THADA: variants seen among roughly 807,000 people sequenced by gnomAD.
THADA encodes THADA armadillo repeat containing, also known as tRNA (32-2'-O)-methyltransferase regulator THADA.
Under a neutral mutation model 219.8 loss-of-function variants are expected in THADA, and 213 were observed. The ratio of observed to expected loss-of-function variants is 0.97; its 90% CI spans 0.87 to 1.09. The LOEUF is 1.09. Ranked by LOEUF, THADA falls within the 50% of genes least tolerant of loss-of-function variation. The pLI, the probability that THADA is intolerant of heterozygous loss-of-function variation, is 0.00. For missense variants in THADA, 2,956 were observed against 2,311.3 expected (o/e 1.28, Z -5.72); for synonymous variants, 1,018 against 828.9 (o/e 1.23, Z -3.92).
At chr2:43,304,673 A>G (rs79981603) in intron 31 of THADA, among the ~76,000 whole-genome samples, 3 of 140,382 alleles carry the variant, frequency 2.1e-5, no homozygotes, top group African/African-American at 7.9e-5. Context: ...AGCAGACTTC[A>G]TTTTTTTTTT....
intron 20 of THADA, among the ~76,000 whole-genome samples, chr2:43,547,240 C>A (rs569388036): frequency 6.6e-6 from 1 of 152,124 alleles, no homozygotes; most frequent in South Asian, 2.1e-4. Flanking sequence ...CCGAGAGATC[C>A]GCTGTTAGTC....
At chr2:43,518,929 C>A (rs1227643743) in intron 22 of THADA, among the ~76,000 whole-genome samples, 1 of 152,098 alleles carries the variant, frequency 6.6e-6, no homozygotes, top group Non-Finnish European at 1.5e-5. Context: ...AATCTCCTGA[C>A]CTGTATTTCC....
At chr2:43,542,446 T>C (rs1374118169) in intron 20 of THADA, among the ~76,000 whole-genome samples, 1 of 152,120 alleles carries the variant, frequency 6.6e-6, no homozygotes, top group Admixed American at 6.5e-5. Flanking sequence ...TGGAGATAAT[T>C]TTTTGCAAGA....
At chr2:43,339,466 G>C (rs889810192) in intron 30 of THADA, among the ~76,000 whole-genome samples, 1 of 152,144 alleles carries the variant, frequency 6.6e-6, no homozygotes, top group African/African-American at 2.4e-5. Flanking sequence ...TTTTAGTAGA[G>C]ATTGGGTTTC....
intron 21 of THADA, among the ~76,000 whole-genome samples, chr2:43,531,163 C>A (rs769563997): frequency 4.6e-5 from 7 of 152,138 alleles, no homozygotes; most frequent in African/African-American, 7.2e-5. Flanking sequence ...TGTCTGGTGT[C>A]CATTAGAAGC....
intron 34 of THADA, among the ~76,000 whole-genome samples, chr2:43,288,235 A>G (rs1015821338): frequency 6.6e-6 from 1 of 152,242 alleles, no homozygotes; most frequent in African/African-American, 2.4e-5. Context: ...CCAGGCCAAC[A>G]TGGTGAAACC....
chr2:43,553,949 C>T (rs141637673), intron 17 of THADA, among the ~76,000 whole-genome samples: 30 of 152,184 alleles, frequency 2.0e-4, no homozygotes, highest in Non-Finnish European at 3.5e-4. Flanking sequence ...ATTCTTTGTC[C>T]AATTGTAAAA....
intron 25 of THADA, among the ~76,000 whole-genome samples, chr2:43,490,543 A>G (rs557840359): frequency 1.4e-4 from 21 of 152,128 alleles, no homozygotes; most frequent in Non-Finnish European, 2.9e-4. Context: ...GATTTTGTCA[A>G]ATGCCTCTTT....
In THADA at chr2:43,284,929, T is replaced by C. The variant is rs541053502; in HGVS notation, c.5164+1979A>G. Among the ~76,000 whole-genome samples, 8 of 152,368 alleles carry C rather than the reference T, an allele frequency of 5.3e-5. No homozygotes were observed. In the South Asian group the frequency reaches 1.7e-3, roughly 32 times the overall value. ...TTTTAAAGCTTTAAGATTTAATGAC[T>C]GCCCTGCTGGGTTTTGAACTTGCAT... On this transcript the variant is annotated intron_variant, in intron 35 of 37. Coordinates refer to ENST00000405975, the MANE Select transcript of THADA (RefSeq NM_022065.5).
chr2:43,410,536 G>A (rs935578454), intron 28 of THADA, among the ~76,000 whole-genome samples: 1 of 152,112 alleles, frequency 6.6e-6, no homozygotes, highest in South Asian at 2.1e-4. Context: ...CCATACAATC[G>A]AATACCATTT....
intron 24 of THADA, among the ~76,000 whole-genome samples, chr2:43,504,938 G>A (rs1689473085): frequency 6.6e-6 from 1 of 152,178 alleles, no homozygotes; most frequent in Non-Finnish European, 1.5e-5. Context: ...AACTGAGGAA[G>A]TCCAGACTAT....
Position 43,574,522 on chromosome 2 carries a change from C to A in THADA, c.1543G>T (p.Glu515Ter). 6.2e-7 allele frequency: 1 copy of A among 1,614,012 alleles called. No individual in the cohort carries two copies. The highest frequency in any genetic ancestry group is 8.5e-7 in the Non-Finnish European group (1 of 1,179,902). The change falls in exon 11 of 38, where the codon GAG becomes TAG. Residue 515 changes from glutamate to a stop codon, truncating the protein, a stop_gained. Transcript: ENST00000405975. LOFTEE classifies it high-confidence loss of function. The stretch of plus-strand genomic sequence containing the variant: ...TGCCACTGGTCAATCCAAGAACTCT[C>A]AGCAGTCTGGGATTTCAAATGACTC... ...HKSHLKSQTA[E>*]SSWIDQWHET...
At chr2:43,352,129 G>C (rs1668343104) in intron 29 of THADA, among the ~76,000 whole-genome samples, 1 of 152,080 alleles carries the variant, frequency 6.6e-6, no homozygotes, top group Non-Finnish European at 1.5e-5. Flanking sequence ...AAATAAATCT[G>C]TCTAAATTCT....
intron 28 of THADA, among the ~76,000 whole-genome samples, chr2:43,398,806 G>T (rs1674418618): frequency 6.6e-6 from 1 of 152,186 alleles, no homozygotes; most frequent in South Asian, 2.1e-4. Flanking sequence ...TGAGAAGTGG[G>T]TCAGGCCATA....
chr2:43,368,503 C>A (rs1424168692), intron 29 of THADA, among the ~76,000 whole-genome samples: 1 of 151,848 alleles, frequency 6.6e-6, no homozygotes, highest in Non-Finnish European at 1.5e-5. Flanking sequence ...CTCAAGTGAT[C>A]CTCCCACCTC....
At chr2:43,556,247 A>G in intron 17 of THADA, 98 bp downstream of exon 17, 2 of 1,523,948 alleles carry the variant, frequency 1.3e-6, no homozygotes, top group Non-Finnish European at 1.8e-6. Context: ...CTTTTAAATA[A>G]AAAACCACAA....
intron 28 of THADA, among the ~76,000 whole-genome samples, chr2:43,402,535 A>G (rs774788509): frequency 6.6e-6 from 1 of 152,038 alleles, no homozygotes; most frequent in Non-Finnish European, 1.5e-5. Context: ...TCTCATATCT[A>G]CTCTCACAAT....
intron 36 of THADA, among the ~76,000 whole-genome samples, chr2:43,271,903 C>G (rs2104271705): frequency 6.6e-6 from 1 of 152,290 alleles, no homozygotes; most frequent in East Asian, 1.9e-4. Context: ...GCGTGAGCCA[C>G]CACGCCCGGC....
chr2:43,527,679 T>C (rs528769068), intron 22 of THADA, among the ~76,000 whole-genome samples, 200 bp downstream of exon 22: 1 of 152,280 alleles, frequency 6.6e-6, no homozygotes, highest in Admixed American at 6.5e-5. Flanking sequence ...GACAGAATAA[T>C]AACTCAGTTT....
Sources: gnomAD v4.1 joint callset for allele counts (sites outside exome capture counted in the v4.1 genomes callset) on GRCh38, gnomAD v4.1.1 for gene constraint, MANE v1.5 for transcripts, NCBI Gene and HGNC (gene_info 2026-07-23, HGNC 2026-07-21) for gene names.